The following ASZ1 variants were observed in gnomAD, a reference collection of about 807,000 sequenced individuals.
The protein encoded by ASZ1 is ankyrin repeat, SAM and basic leucine zipper domain containing 1, also known as ankyrin repeat, SAM and basic leucine zipper domain-containing protein 1.
A neutral mutation model predicts 61.8 loss-of-function variants in ASZ1; 67 were observed. The observed-to-expected ratio is 1.08, with a 90% CI of 0.89 to 1.33. The LOEUF is 1.33. Among genes scored for constraint, ASZ1 ranks in the 40% most tolerant of loss-of-function variants. The pLI is 0.00. For synonymous variants in ASZ1, 193 were observed against 192.7 expected (o/e 1.00, Z -0.01); for missense variants, 577 against 554.5 (o/e 1.04, Z -0.41).
Position 117,367,357 on chromosome 7 carries a change from G to A in ASZ1, c.1270C>T (p.Gln424Ter). ...EKVCKLKDLI[Q>*]KLQNERENDP... ...TTTTAATGTTAAATATATACCTTTT[G>A]AATTAGGTCTTTTAGTTTGCAGACC... is the stretch of plus-strand genomic sequence containing the variant. The change falls in exon 12 of 13, where the codon CAA becomes TAA. Residue 424 changes from glutamine to a stop codon, truncating the protein, a stop_gained. Coordinates refer to ENST00000284629, the MANE Select transcript of ASZ1 (RefSeq NM_130768.3). LOFTEE classifies it high-confidence loss of function. The A allele has an allele frequency of 6.6e-7, 1 of 1,522,750 alleles. No individual in the cohort carries two copies. The highest frequency in any genetic ancestry group is 8.8e-7 in the Non-Finnish European group (1 of 1,137,854). 94.3% of individuals were successfully genotyped at this position (1,522,750 alleles called of 1,614,324 possible). A position where few individuals can be genotyped will look rare whatever the true frequency, so the allele number is the denominator to read the frequency against.
rs555763011 is a variant in ASZ1 at position 117,367,919 on chromosome 7, T to C, written c.1162-454A>G. Reference sequence around the variant, plus strand: ...TTTTTTGAGAAAGTGTCTTGTTCTGTTGCCCAGGCTGGAGTGCAGTGGTGC... The same window carrying C: ...TTTTTTGAGAAAGTGTCTTGTTCTGCTGCCCAGGCTGGAGTGCAGTGGTGC... On this transcript the variant is annotated intron_variant, in intron 11 of 12. Transcript: ENST00000284629. The C allele has an allele frequency of 7.2e-6, 7 of 966,688 alleles. No homozygotes were observed. The East Asian group carries it at 6.9e-4, about 95-fold the overall frequency. 59.9% of individuals were successfully genotyped at this position (966,688 alleles called of 1,614,324 possible). A position where few individuals can be genotyped will look rare whatever the true frequency, so the allele number is the denominator to read the frequency against.
chr7:117,368,768 T>C, intron 10 of ASZ1, 51 bp from the exon 11 acceptor site: 9 of 1,598,790 alleles, frequency 5.6e-6, no homozygotes, highest in Non-Finnish European at 5.1e-6. Flanking sequence ...AAGAGCAATT[T>C]ATTTCATTCT....
At chr7:117,397,653 T>C (rs1796601851) in intron 4 of ASZ1, among the ~76,000 whole-genome samples, 1 of 152,206 alleles carries the variant, frequency 6.6e-6, no homozygotes, top group Admixed American at 6.5e-5. Flanking sequence ...TTCCTAAAGC[T>C]GGAGGAAAAC....
At chr7:117,378,567 T>A (rs1014372109) in intron 10 of ASZ1, among the ~76,000 whole-genome samples, 1 of 152,084 alleles carries the variant, frequency 6.6e-6, no homozygotes, top group African/African-American at 2.4e-5. Context: ...GGATCACTCA[T>A]AAGCTTGCTA....
At chr7:117,397,841 T>C in intron 4 of ASZ1, among the ~76,000 whole-genome samples, 1 of 152,260 alleles carries the variant, frequency 6.6e-6, no homozygotes, top group East Asian at 1.9e-4. Context: ...ATGGATTGGC[T>C]GTGGGCCAAG....
At chr7:117,378,840 C>A (rs1796189516) in intron 10 of ASZ1, among the ~76,000 whole-genome samples, 2 of 151,754 alleles carry the variant, frequency 1.3e-5, no homozygotes, top group African/African-American at 4.8e-5. Context: ...GAATACTACT[C>A]AGCAATAAAA....
chr7:117,417,000 A>T (rs773923171), intron 4 of ASZ1, among the ~76,000 whole-genome samples: 8 of 152,060 alleles, frequency 5.3e-5, no homozygotes, highest in Admixed American at 1.3e-4. Flanking sequence ...CGAATCAGTA[A>T]CTCATTTTTC....
chr7:117,387,307 T>TCAACAACAACAA (rs3034755), intron 4 of ASZ1, among the ~76,000 whole-genome samples: 142 of 147,382 alleles, frequency 9.6e-4, no homozygotes, highest in Admixed American at 2.5e-3. Context: ...AGACCCTGTC[T>TCAACAACAACAA]CAACAACAAC....
intron 4 of ASZ1, among the ~76,000 whole-genome samples, chr7:117,407,622 A>G (rs1796811159): frequency 6.6e-6 from 1 of 152,178 alleles, no homozygotes; most frequent in African/African-American, 2.4e-5. Flanking sequence ...GCAATAATAT[A>G]CTCAATAAAA....
intron 4 of ASZ1, among the ~76,000 whole-genome samples, chr7:117,401,522 C>G (rs949747265): frequency 6.6e-6 from 1 of 151,962 alleles, no homozygotes; most frequent in Non-Finnish European, 1.5e-5. Context: ...ATAGGGATGG[C>G]ACTATGTTTA....
chr7:117,377,291 C>T (rs570092558), intron 10 of ASZ1, among the ~76,000 whole-genome samples: 4 of 152,096 alleles, frequency 2.6e-5, no homozygotes, highest in Admixed American at 6.6e-5. Context: ...CTTAGGGAGC[C>T]GAGGTGGGAG....
intron 4 of ASZ1, among the ~76,000 whole-genome samples, chr7:117,414,658 G>A (rs1024294531): frequency 6.6e-6 from 1 of 151,994 alleles, no homozygotes; most frequent in Non-Finnish European, 1.5e-5. Flanking sequence ...GATAGGCCCT[G>A]GTATGTGATG....
chr7:117,417,414 A>C (rs1797016684), intron 4 of ASZ1, among the ~76,000 whole-genome samples: 1 of 152,198 alleles, frequency 6.6e-6, no homozygotes, highest in African/African-American at 2.4e-5. Context: ...TTGACATCTG[A>C]AGAGTGGTTC....
chr7:117,368,823 C>CATGA (rs1795994534), intron 10 of ASZ1, 106 bp from the exon 11 acceptor site: 1 of 1,544,492 alleles, frequency 6.5e-7, no homozygotes, highest in Non-Finnish European at 8.7e-7. Flanking sequence ...TAGATTCTTC[C>CATGA]AAAAGAATTC....
intron 2 of ASZ1, among the ~76,000 whole-genome samples, chr7:117,424,866 T>A (rs147270479): frequency 1.2e-4 from 18 of 152,286 alleles, no homozygotes; most frequent in South Asian, 4.1e-4. Flanking sequence ...TCATTTCTTA[T>A]AAGAATAACA....
intron 4 of ASZ1, among the ~76,000 whole-genome samples, chr7:117,396,555 GACC>G (rs1796578927): frequency 6.6e-6 from 1 of 152,094 alleles, no homozygotes; most frequent in Admixed American, 6.6e-5. Context: ...AAAATCCTCT[GACC>G]TATTTATGTA....
At chr7:117,374,620 C>T (rs1011605668) in intron 10 of ASZ1, among the ~76,000 whole-genome samples, 3 of 151,876 alleles carry the variant, frequency 2.0e-5, no homozygotes, top group African/African-American at 2.4e-5. Context: ...AAATAAAAAA[C>T]AGTATTTGTA....
intron 4 of ASZ1, among the ~76,000 whole-genome samples, chr7:117,410,752 A>T (rs1367151976): frequency 6.6e-6 from 1 of 151,734 alleles, no homozygotes; most frequent in Admixed American, 6.6e-5. Context: ...AGGAAAAAAA[A>T]AATCACATTT....
At chr7:117,417,592 G>A (rs966073680) in intron 4 of ASZ1, among the ~76,000 whole-genome samples, 5 of 152,102 alleles carry the variant, frequency 3.3e-5, no homozygotes, top group African/African-American at 9.7e-5. Flanking sequence ...CACATTGACA[G>A]CACGCTATCC....
Sources: gnomAD v4.1 joint callset for allele counts (sites outside exome capture counted in the v4.1 genomes callset) on GRCh38, gnomAD v4.1.1 for gene constraint, MANE v1.5 for transcripts, NCBI Gene and HGNC (gene_info 2026-07-23, HGNC 2026-07-21) for gene names.